Variants in FBXL2 observed in about 807,000 individuals in gnomAD.
FBXL2 encodes F-box/LRR-repeat protein 2.
A neutral mutation model predicts 69.2 loss-of-function variants in FBXL2; 38 were observed. The ratio of observed to expected loss-of-function variants is 0.55; its 90% CI spans 0.42 to 0.72. FBXL2 has a LOEUF of 0.72. FBXL2 is among the 30% of genes least tolerant of loss of function. The probability of loss-of-function intolerance (pLI) is 0.00; values close to 1 mark genes in which losing one functional copy is unlikely to be tolerated. For missense variants in FBXL2, 354 were observed against 520.3 expected (o/e 0.68, Z 3.11); for synonymous variants, 192 against 201.3 (o/e 0.95, Z 0.39).
chr3:33,280,050 C>G (rs749299592), intron 1 of FBXL2, among the ~76,000 whole-genome samples: 1 of 152,160 alleles, frequency 6.6e-6, no homozygotes, highest in South Asian at 2.1e-4. Flanking sequence ...GGTTTTTGAG[C>G]ACTTATAAAT....
chr3:33,403,021 T>G, intron 12 of FBXL2: 2 of 913,978 alleles, frequency 2.2e-6, no homozygotes, highest in South Asian at 3.1e-5. Context: ...CAGCTGACAT[T>G]TATCAAGCAA....
intron 2 of FBXL2, among the ~76,000 whole-genome samples, chr3:33,331,734 TG>T (rs1184893375): frequency 6.6e-6 from 1 of 152,194 alleles, no homozygotes; most frequent in Non-Finnish European, 1.5e-5. Flanking sequence ...AATGAGATCA[TG>T]ATAGTTCTTA....
chr3:33,404,784 T>C (rs2044372647), downstream of FBXL2, among the ~76,000 whole-genome samples: 1 of 152,206 alleles, frequency 6.6e-6, no homozygotes, highest in South Asian at 2.1e-4. Context: ...AATAATCTAG[T>C]AGATCACATA....
At chr3:33,364,585 A>G (rs747783905) in intron 4 of FBXL2, 40 bp from the exon 5 acceptor site, 2 of 1,547,554 alleles carry the variant, frequency 1.3e-6, no homozygotes, top group Non-Finnish European at 1.8e-6. Flanking sequence ...AGCAGCATGA[A>G]AAAACAGTAT....
rs368339142 is a variant in FBXL2, at chr3:33,402,006, CAG to C, written n.1215-1227_1215-1226del. Reference sequence around the variant, plus strand: ...TGCCTTCTCAGTTTATCCATCTCCTCAGGGGGAGAGCACATTTTTGCTTGCTT... The same window carrying C: ...TGCCTTCTCAGTTTATCCATCTCCTCGGGGAGAGCACATTTTTGCTTGCTT... On this transcript the variant is annotated intron_variant and non_coding_transcript_variant, in intron 12 of 12. Transcript: ENST00000463736. Among the ~76,000 whole-genome samples, 84 of 151,970 alleles carry C rather than the reference CAG, an allele frequency of 5.5e-4. 1 individual carries two copies. Among genetic ancestry groups the C allele is most frequent in the African/African-American group, 1.9e-3 (80 of 41,538 alleles).
At chr3:33,406,151 A>G (rs2044414197), downstream of FBXL2, among the ~76,000 whole-genome samples, 1 of 152,218 alleles carries the variant, frequency 6.6e-6, no homozygotes. Context: ...TGGCACACAC[A>G]CACCTGTGGT....
chr3:33,349,111 T>C (rs929651715), intron 2 of FBXL2, among the ~76,000 whole-genome samples: 1 of 152,156 alleles, frequency 6.6e-6, no homozygotes, highest in African/African-American at 2.4e-5. Context: ...TTTATTTCTT[T>C]CCCTTATCTG....
chr3:33,404,479 T>C (rs576273052), downstream of FBXL2, among the ~76,000 whole-genome samples: 1 of 134,090 alleles, frequency 7.5e-6, no homozygotes, highest in Non-Finnish European at 1.6e-5. Context: ...CTAAAGATAA[T>C]AGGATTAAAA....
the FBXL2 span, chr3:33,409,433 G>A: frequency 1.1e-5 from 17 of 1,613,836 alleles, no homozygotes; most frequent in Middle Eastern, 1.6e-4. Context: ...CAGAAAACCC[G>A]GGTTCTCTGT....
rs1193715830 is a variant in FBXL2, at chr3:33,283,409, T to C, written c.3+5894T>C. 2.6e-5 allele frequency among the ~76,000 whole-genome samples: 4 copies of C among 152,326 alleles called. No homozygotes were observed. In the South Asian group the frequency reaches 8.3e-4, roughly 32 times the overall value. ...CCCAGTGATGAAGCCAACTTGATCG[T>C]GTTGGATAAGCTTTTTGATGTGCTG... On this transcript the variant is annotated intron_variant, in intron 1 of 14. Coordinates refer to ENST00000484457, the MANE Select transcript of FBXL2 (RefSeq NM_012157.5).
At chr3:33,310,284 T>A (rs536991443) in intron 2 of FBXL2, among the ~76,000 whole-genome samples, 2 of 152,062 alleles carry the variant, frequency 1.3e-5, no homozygotes, top group Non-Finnish European at 2.9e-5. Flanking sequence ...CCCGAGTAGC[T>A]GGGACTACAG....
chr3:33,353,295 T>C (rs567464027), intron 2 of FBXL2, among the ~76,000 whole-genome samples: 8 of 152,180 alleles, frequency 5.3e-5, no homozygotes, highest in Admixed American at 3.9e-4. Flanking sequence ...TCCAAATGAG[T>C]AGAAAATTTA....
At chr3:33,396,062 T>A in intron 12 of FBXL2, 2 of 1,133,104 alleles carry the variant, frequency 1.8e-6, no homozygotes, top group East Asian at 5.1e-5. Flanking sequence ...TTGGCATTCC[T>A]AACACAGCAA....
intron 2 of FBXL2, among the ~76,000 whole-genome samples, chr3:33,328,753 T>C (rs991987794): frequency 9.2e-5 from 14 of 151,958 alleles, no homozygotes; most frequent in African/African-American, 2.7e-4. Context: ...GAAGAAAACA[T>C]TGGGGAAACA....
chr3:33,384,791 A>G (rs1035840044), intron 14 of FBXL2, among the ~76,000 whole-genome samples: 15 of 152,176 alleles, frequency 9.9e-5, no homozygotes, highest in Non-Finnish European at 2.1e-4. Context: ...CTCTAATCCC[A>G]GCACTTTGGG....
intron 2 of FBXL2, among the ~76,000 whole-genome samples, chr3:33,345,327 A>G (rs1018004224): frequency 6.6e-6 from 1 of 152,164 alleles, no homozygotes; most frequent in African/African-American, 2.4e-5. Flanking sequence ...AAGTAAGGTA[A>G]TATTCACAGG....
chr3:33,307,822 G>T (rs1025751301), intron 2 of FBXL2, among the ~76,000 whole-genome samples: 6 of 151,978 alleles, frequency 3.9e-5, no homozygotes, highest in African/African-American at 1.4e-4. Context: ...CTGTAAATCA[G>T]AAATTATTTA....
chr3:33,290,608 A>T (rs1469402812), intron 1 of FBXL2, among the ~76,000 whole-genome samples: 3 of 152,224 alleles, frequency 2.0e-5, no homozygotes, highest in Non-Finnish European at 4.4e-5. Context: ...TGAAGAATTC[A>T]TTTGATAGGC....
intron 2 of FBXL2, among the ~76,000 whole-genome samples, chr3:33,354,498 G>A (rs921091943): frequency 1.3e-5 from 2 of 151,554 alleles, no homozygotes; most frequent in African/African-American, 4.9e-5. Context: ...GGGTGACAGA[G>A]TGAGACTCCA....
Sources: allele counts gnomAD v4.1 joint callset (sites outside exome capture counted in the v4.1 genomes callset), GRCh38; gene constraint gnomAD v4.1.1; transcripts MANE v1.5; gene names NCBI Gene and HGNC (gene_info 2026-07-23, HGNC 2026-07-21).